The following MFF variants were observed in gnomAD, a reference collection of about 807,000 sequenced individuals.
The protein encoded by MFF is mitochondrial fission factor.
In MFF, 12 loss-of-function variants were observed where a neutral mutation model predicts 36.9. That is an observed-to-expected ratio of 0.33 (90% CI 0.21 to 0.53). MFF has a LOEUF of 0.53. Ranked by LOEUF, MFF falls within the 20% of genes least tolerant of loss-of-function variation. The pLI is 0.95. For missense variants in MFF, 348 were observed against 366.6 expected (o/e 0.95, Z 0.42); for synonymous variants, 99 against 126.2 (o/e 0.78, Z 1.44).
At chr2:227,326,139 C>T (rs1253807881) in intron 1 of MFF, among the ~76,000 whole-genome samples, 3 of 151,880 alleles carry the variant, frequency 2.0e-5, no homozygotes, top group Non-Finnish European at 4.4e-5. Flanking sequence ...CCCTGTCTAC[C>T]TCCCACAAAG....
At chr2:227,331,868 T>C (rs546535620) in intron 3 of MFF, among the ~76,000 whole-genome samples, 3 of 152,146 alleles carry the variant, frequency 2.0e-5, no homozygotes, top group South Asian at 2.1e-4. Context: ...ATTCTAGATA[T>C]CAGTTTTTTG....
intron 6 of MFF, chr2:227,352,303 T>G (rs1413367546): frequency 6.5e-6 from 3 of 464,908 alleles, no homozygotes; most frequent in Non-Finnish European, 1.1e-5. Context: ...CTTTGTTTCT[T>G]TGATCAATAG....
chr2:227,342,548 A>G (rs922766708), intron 5 of MFF, among the ~76,000 whole-genome samples: 1 of 152,070 alleles, frequency 6.6e-6, no homozygotes, highest in African/African-American at 2.4e-5. Context: ...ATTTTATTCC[A>G]TGGCTTTAAG....
At chr2:227,342,616 T>C in intron 5 of MFF, 5 of 659,832 alleles carry the variant, frequency 7.6e-6, no homozygotes, top group Non-Finnish European at 1.3e-5. Context: ...TCTTAATTAC[T>C]TCGAAGAGGC....
At chr2:227,332,326 A>G in intron 3 of MFF, 93 bp from the exon 4 acceptor site, 1 of 951,366 alleles carries the variant, frequency 1.1e-6, no homozygotes, top group Non-Finnish European at 1.6e-6. Flanking sequence ...ATTCAAAAGC[A>G]GAAGAAGGTA....
At chr2:227,340,735 T>G (rs2106399092) in intron 5 of MFF, among the ~76,000 whole-genome samples, 1 of 152,314 alleles carries the variant, frequency 6.6e-6, no homozygotes, top group East Asian at 1.9e-4. Context: ...TACGATTCAT[T>G]GAATTTTTTG....
chr2:227,346,504 A>C (rs1441990545), intron 5 of MFF, among the ~76,000 whole-genome samples: 1 of 152,228 alleles, frequency 6.6e-6, no homozygotes, highest in Non-Finnish European at 1.5e-5. Context: ...AGAACGATTA[A>C]GATTATTGTC....
rs754091510 is a variant in MFF, at chr2:227,357,111, C to T, written c.870C>T (p.Arg290=). Residue 290 remains arginine, a synonymous_variant, in exon 9 of 9, where the codon CGC becomes CGT. Coordinates refer to ENST00000304593, the MANE Select transcript of MFF (RefSeq NM_001277062.2). Reference sequence around the variant, plus strand: ...TGCTTAATAGCTGGCTCTGGTTTCGCCGCTAGAGGTAACATCAGCCCTCAA... The same window carrying T: ...TGCTTAATAGCTGGCTCTGGTTTCGTCGCTAGAGGTAACATCAGCCCTCAA... ...FWLLNSWLWF[R]R 3 of 1,611,544 alleles carry T rather than the reference C, an allele frequency of 1.9e-6. No individual in the cohort carries two copies. In the African/African-American group the frequency reaches 4.0e-5, roughly 22 times the overall value.
At chr2:227,334,116 GTTAT>G (rs1322941619) in intron 4 of MFF, among the ~76,000 whole-genome samples, 1 of 152,202 alleles carries the variant, frequency 6.6e-6, no homozygotes, top group East Asian at 1.9e-4. Context: ...CTTTGGGCAA[GTTAT>G]TTAACAGTTC....
intron 1 of MFF, among the ~76,000 whole-genome samples, chr2:227,326,222 AG>A (rs1040077163): frequency 6.6e-6 from 1 of 150,442 alleles, no homozygotes; most frequent in African/African-American, 2.5e-5. Context: ...AGAACATTAA[AG>A]GGGAAAAAAA....
At position 227,332,784 on chromosome 2, in the gene MFF, G is replaced by GA. The variant is rs1164464655; in HGVS notation, c.351+201dup. Among the ~76,000 whole-genome samples, 3 of 152,292 alleles carry GA rather than the reference G, an allele frequency of 2.0e-5. No homozygotes were observed. The East Asian group carries it at 5.8e-4, about 29-fold the overall frequency. On this transcript the variant is annotated intron_variant, in intron 4 of 8. Coordinates refer to ENST00000304593, the MANE Select transcript of MFF (RefSeq NM_001277062.2). ...TTAAAATTTGAATATTATGTTTTAGGAAAAATGTAAGTTTTGTGGTAAGTA... is the reference window on the plus strand; with the variant it reads ...TTAAAATTTGAATATTATGTTTTAGGAAAAAATGTAAGTTTTGTGGTAAGTA...
At chr2:227,332,325 C>A in intron 3 of MFF, 94 bp from the exon 4 acceptor site, 1 of 947,992 alleles carries the variant, frequency 1.1e-6, no homozygotes, top group Non-Finnish European at 1.6e-6. Context: ...AATTCAAAAG[C>A]AGAAGAAGGT....
At chr2:227,345,809 C>T (rs773016528) in intron 5 of MFF, among the ~76,000 whole-genome samples, 5 of 152,062 alleles carry the variant, frequency 3.3e-5, no homozygotes, top group Admixed American at 6.6e-5. Flanking sequence ...AGTCTCTGGA[C>T]GGACATTTAA....
chr2:227,332,983 C>T (rs1009436105), intron 4 of MFF, among the ~76,000 whole-genome samples: 2 of 152,280 alleles, frequency 1.3e-5, no homozygotes, highest in East Asian at 3.9e-4. Flanking sequence ...TACCCATTCT[C>T]GCTACTTGAT....
At chr2:227,329,595 C>T in intron 2 of MFF, 1 of 517,466 alleles carries the variant, frequency 1.9e-6, no homozygotes. Context: ...TTTATTCTTT[C>T]TTTTTTACAG....
At chr2:227,342,814 G>A in intron 5 of MFF, 1 of 1,613,238 alleles carries the variant, frequency 6.2e-7, no homozygotes, top group Non-Finnish European at 8.5e-7. Flanking sequence ...CTGCACCGGA[G>A]TACACGTAAG....
intron 5 of MFF, 143 bp from the exon 6 acceptor site, chr2:227,347,083 T>C (rs745778939): frequency 1.7e-5 from 11 of 631,682 alleles, no homozygotes; most frequent in Non-Finnish European, 3.0e-5. Flanking sequence ...TATTTATTCT[T>C]TGACTGTTTT....
chr2:227,342,619 G>C, intron 5 of MFF: 1 of 668,312 alleles, frequency 1.5e-6, no homozygotes, highest in South Asian at 2.0e-5. Context: ...TAATTACTTC[G>C]AAGAGGCAAT....
chr2:227,343,304 CTAT>C (rs1299762282), intron 5 of MFF, among the ~76,000 whole-genome samples: 1 of 151,504 alleles, frequency 6.6e-6, no homozygotes, highest in East Asian at 1.9e-4. Flanking sequence ...CACTTTTTTG[CTAT>C]TATTAAACCC....
Sources: allele counts gnomAD v4.1 joint callset (sites outside exome capture counted in the v4.1 genomes callset), GRCh38; gene constraint gnomAD v4.1.1; transcripts MANE v1.5; gene names NCBI Gene and HGNC (gene_info 2026-07-23, HGNC 2026-07-21).